FHIP1A: variants seen among roughly 807,000 people sequenced by gnomAD.
FHIP1A encodes FHF complex subunit HOOK-interacting protein 1A.
FHIP1A carries 61 observed loss-of-function variants against 88.6 expected under a neutral mutation model. The observed-to-expected ratio is 0.69, with a 90% CI of 0.56 to 0.85. The LOEUF (loss-of-function observed/expected upper bound fraction) is 0.85. FHIP1A is among the 40% of genes least tolerant of loss of function. FHIP1A has a pLI of 0.00. For missense variants in FHIP1A, 1,154 were observed against 1,273.5 expected, an observed-to-expected ratio of 0.91 and a Z score of 1.43; for synonymous variants, 478 against 496.0, an observed-to-expected ratio of 0.96 and a Z score of 0.48.
At chr4:151,570,525 A>G (rs541040011) in intron 4 of FHIP1A, among the ~76,000 whole-genome samples, 37 of 152,264 alleles carry the variant, frequency 2.4e-4, no homozygotes, top group African/African-American at 8.9e-4. Flanking sequence ...TGATCATGGC[A>G]CACTACAGCC....
In FHIP1A at chr4:151,566,255, G is replaced by A. The variant is rs910644873; in HGVS notation, c.-5G>A. 45 of 1,532,576 alleles carry A rather than the reference G, an allele frequency of 2.9e-5. No individual in the cohort carries two copies. In the African/African-American group the frequency reaches 3.5e-4, roughly 12 times the overall value. 94.9% of individuals were successfully genotyped at this position (1,532,576 alleles called of 1,614,324 possible). ...TGACTTAGAAGCATTGATTTATGAA[G>A]GCTTATGATGTCATCGGTTTCGACA... On this transcript the variant is annotated 5_prime_UTR_variant, in exon 4 of 14. Coordinates refer to ENST00000435205, the MANE Select transcript of FHIP1A (RefSeq NM_001109977.3).
chr4:151,509,513 A>C (rs1190141782), intron 3 of FHIP1A, among the ~76,000 whole-genome samples: 2 of 152,132 alleles, frequency 1.3e-5, no homozygotes, highest in African/African-American at 4.8e-5. Context: ...TACAGACTAC[A>C]TTAGCAGATA....
intron 4 of FHIP1A, among the ~76,000 whole-genome samples, chr4:151,574,441 T>C (rs1302629753): frequency 6.6e-6 from 1 of 151,874 alleles, no homozygotes; most frequent in Non-Finnish European, 1.5e-5. Flanking sequence ...AAATGAAAGT[T>C]AATGAGAAAA....
intron 1 of FHIP1A, among the ~76,000 whole-genome samples, chr4:151,449,318 A>G (rs74409734): frequency 8.3e-4 from 126 of 152,286 alleles, no homozygotes; most frequent in African/African-American, 2.9e-3. Context: ...AAACTGAGGT[A>G]TGGAGAAGTG....
chr4:151,416,941 G>A (rs1732912906), intron 1 of FHIP1A, among the ~76,000 whole-genome samples: 1 of 152,014 alleles, frequency 6.6e-6, no homozygotes. Flanking sequence ...ATGCCACCAT[G>A]CCTGGCTAAT....
rs1176845967 is a variant in FHIP1A, at chr4:151,666,097, A to G, written c.*3343A>G. Among the ~76,000 whole-genome samples the G allele has an allele frequency of 6.6e-6, 1 of 152,254 alleles. No individual in the cohort carries two copies. The highest frequency in any genetic ancestry group is 6.5e-5 in the Admixed American group (1 of 15,292). The stretch of plus-strand genomic sequence containing the variant: ...GAGTGACTTCTGTGGTTCAAAATAT[A>G]TGAGAGCACTGGGATATTTAAAATT... On this transcript the variant is annotated 3_prime_UTR_variant, in exon 14 of 14. Transcript: ENST00000435205.
At chr4:151,603,020 A>G (rs1734932480) in intron 7 of FHIP1A, among the ~76,000 whole-genome samples, 1 of 152,138 alleles carries the variant, frequency 6.6e-6, no homozygotes, top group South Asian at 2.1e-4. Flanking sequence ...GCTTAAAAAT[A>G]TTGGGATTGT....
At chr4:151,459,892 G>A (rs1729090172) in intron 2 of FHIP1A, among the ~76,000 whole-genome samples, 1 of 152,096 alleles carries the variant, frequency 6.6e-6, no homozygotes, top group Non-Finnish European at 1.5e-5. Flanking sequence ...AAGACCTTTT[G>A]CATACACTTG....
chr4:151,495,291 T>A (rs1580631976), intron 3 of FHIP1A, among the ~76,000 whole-genome samples: 7 of 152,030 alleles, frequency 4.6e-5, no homozygotes. Flanking sequence ...TCATCTGAGG[T>A]CAGGAGTTTG....
chr4:151,513,180 G>C (rs1000428775), intron 3 of FHIP1A, among the ~76,000 whole-genome samples: 1 of 152,122 alleles, frequency 6.6e-6, no homozygotes, highest in African/African-American at 2.4e-5. Context: ...TTTCAACCCA[G>C]AATTTCATAT....
chr4:151,477,605 G>A (rs1216120826), intron 2 of FHIP1A, among the ~76,000 whole-genome samples: 1 of 151,924 alleles, frequency 6.6e-6, no homozygotes, highest in Non-Finnish European at 1.5e-5. Flanking sequence ...ATCATGAAGG[G>A]ACTAATTTTC....
At chr4:151,436,685 G>T (rs1728216971) in intron 1 of FHIP1A, among the ~76,000 whole-genome samples, 1 of 152,146 alleles carries the variant, frequency 6.6e-6, no homozygotes, top group Non-Finnish European at 1.5e-5. Flanking sequence ...GGAAGTGGAA[G>T]AATATAAACC....
intron 3 of FHIP1A, among the ~76,000 whole-genome samples, chr4:151,546,765 C>T (rs1347578383): frequency 6.6e-6 from 1 of 152,168 alleles, no homozygotes; most frequent in Non-Finnish European, 1.5e-5. Flanking sequence ...TGTGGACATA[C>T]ACACGCAACA....
At chr4:151,639,800 C>T (rs535726144) in intron 9 of FHIP1A, among the ~76,000 whole-genome samples, 1 of 152,272 alleles carries the variant, frequency 6.6e-6, no homozygotes, top group South Asian at 2.1e-4. Context: ...AGTGGGACTA[C>T]CAGGGTCCTC....
chr4:151,513,780 C>G (rs1004351793), intron 3 of FHIP1A, among the ~76,000 whole-genome samples: 10 of 151,406 alleles, frequency 6.6e-5, no homozygotes, highest in African/African-American at 2.4e-4. Flanking sequence ...GCACCCAATA[C>G]AGGAGCACCC....
At chr4:151,426,342 C>T (rs536101062) in intron 1 of FHIP1A, among the ~76,000 whole-genome samples, 45 of 152,176 alleles carry the variant, frequency 3.0e-4, no homozygotes, top group South Asian at 2.5e-3. Context: ...ATAAATGCAA[C>T]GCTTAATTTT....
At chr4:151,580,369 G>A (rs928988888) in intron 5 of FHIP1A, among the ~76,000 whole-genome samples, 3 of 152,258 alleles carry the variant, frequency 2.0e-5, no homozygotes, top group Admixed American at 6.5e-5. Flanking sequence ...CTTTACAAGC[G>A]ATGCTATGTA....
intron 1 of FHIP1A, among the ~76,000 whole-genome samples, chr4:151,436,123 T>A (rs1295677310): frequency 6.6e-6 from 1 of 152,208 alleles, no homozygotes; most frequent in African/African-American, 2.4e-5. Flanking sequence ...GTATCTTCTC[T>A]GGAAGCTGCA....
intron 7 of FHIP1A, among the ~76,000 whole-genome samples, chr4:151,618,426 A>G (rs905320850): frequency 2.6e-5 from 4 of 152,200 alleles, no homozygotes; most frequent in African/African-American, 7.2e-5. Flanking sequence ...TGTGAGCTTA[A>G]TATTTGTGAG....
Sources: allele counts gnomAD v4.1 joint callset (sites outside exome capture counted in the v4.1 genomes callset), GRCh38; gene constraint gnomAD v4.1.1; transcripts MANE v1.5; gene names NCBI Gene and HGNC (gene_info 2026-07-23, HGNC 2026-07-21).